Variants in MTSS1 observed in about 807,000 individuals in gnomAD.
MTSS1 encodes the protein protein MTSS 1.
MTSS1 carries 18 observed loss-of-function variants against 79.0 expected under a neutral mutation model. The observed-to-expected ratio is 0.23, with a 90% CI of 0.16 to 0.34. MTSS1 has a LOEUF of 0.34. Ranked by LOEUF, MTSS1 falls within the 10% of genes least tolerant of loss-of-function variation. MTSS1 has a pLI of 1.00. For synonymous variants in MTSS1, 341 were observed against 368.6 expected, an observed-to-expected ratio of 0.93 and a Z score of 0.86; for missense variants, 815 against 986.2, an observed-to-expected ratio of 0.83 and a Z score of 2.33.
Position 124,621,748 on chromosome 8 carries a change from C to T in MTSS1, c.209-30513G>A, listed in dbSNP as rs531904668. On this transcript the variant is annotated intron_variant, in intron 3 of 13. Coordinates refer to ENST00000518547, the MANE Select transcript of MTSS1 (RefSeq NM_014751.6). Reference sequence around the variant, plus strand: ...ATTTTTAGTAGAGATGGGGTTTCACCACGTTGGCCAGGCTGGTCTTGAACT... The same window carrying T: ...ATTTTTAGTAGAGATGGGGTTTCACTACGTTGGCCAGGCTGGTCTTGAACT... Among the ~76,000 whole-genome samples the T allele has an allele frequency of 2.6e-5, 4 of 152,236 alleles. No homozygotes were observed. The East Asian group carries it at 7.7e-4, about 29-fold the overall frequency.
chr8:124,580,722 AAAC>A (rs1829884861), intron 6 of MTSS1: 1 of 714,396 alleles, frequency 1.4e-6, no homozygotes, highest in African/African-American at 1.8e-5. Flanking sequence ...AGGGCTGATT[AAAC>A]CCACATCCAC....
intron 6 of MTSS1, among the ~76,000 whole-genome samples, chr8:124,581,629 T>C (rs966065442): frequency 5.3e-5 from 8 of 151,816 alleles, no homozygotes; most frequent in African/African-American, 1.9e-4. Context: ...CTAATTTTTG[T>C]ATTTTTAGTA....
chr8:124,579,431 T>G (rs551485570), intron 6 of MTSS1, among the ~76,000 whole-genome samples: 1 of 152,258 alleles, frequency 6.6e-6, no homozygotes, highest in South Asian at 2.1e-4. Flanking sequence ...GTTGTGAAAT[T>G]AGATAGTGGC....
chr8:124,633,837 C>A (rs1031831844), intron 3 of MTSS1, among the ~76,000 whole-genome samples: 4 of 151,280 alleles, frequency 2.6e-5, no homozygotes, highest in Non-Finnish European at 4.4e-5. Flanking sequence ...GTTTGTTGAT[C>A]CTAGTACCGC....
intron 3 of MTSS1, among the ~76,000 whole-genome samples, chr8:124,627,572 A>G (rs975312273): frequency 6.6e-6 from 1 of 152,270 alleles, no homozygotes; most frequent in African/African-American, 2.4e-5. Flanking sequence ...AGACAGAGAC[A>G]ATATAAGACC....
intron 3 of MTSS1, among the ~76,000 whole-genome samples, chr8:124,602,681 G>A (rs1420266192): frequency 1.3e-5 from 2 of 152,128 alleles, no homozygotes; most frequent in East Asian, 3.9e-4. Flanking sequence ...GAAGCTCCAG[G>A]CAAGGGGCTA....
intron 6 of MTSS1, among the ~76,000 whole-genome samples, chr8:124,574,853 G>C (rs1403867325): frequency 6.6e-6 from 1 of 152,186 alleles, no homozygotes; most frequent in Non-Finnish European, 1.5e-5. Flanking sequence ...ACCTGCCCCT[G>C]ACTCACACAA....
At chr8:124,706,596 G>A (rs1324443409) in intron 1 of MTSS1, among the ~76,000 whole-genome samples, 1 of 152,220 alleles carries the variant, frequency 6.6e-6, no homozygotes, top group Non-Finnish European at 1.5e-5. Context: ...CTAAGCAACA[G>A]CCGGGCAAGA....
intron 5 of MTSS1, 149 bp downstream of exon 5, chr8:124,589,471 G>A (rs867312027): frequency 3.5e-6 from 2 of 571,302 alleles, no homozygotes; most frequent in Non-Finnish European, 6.2e-6. Flanking sequence ...CCCCTGACAC[G>A]GACGTGCCTA....
intron 3 of MTSS1, among the ~76,000 whole-genome samples, chr8:124,670,577 G>T (rs1029467821): frequency 2.6e-5 from 4 of 152,182 alleles, no homozygotes; most frequent in African/African-American, 9.7e-5. Context: ...ACTTAGGATT[G>T]ATCATTTCAG....
At chr8:124,590,479 G>A (rs757221454) in intron 4 of MTSS1, among the ~76,000 whole-genome samples, 14 of 152,178 alleles carry the variant, frequency 9.2e-5, no homozygotes, top group Non-Finnish European at 1.6e-4. Context: ...AGAGAAGAGT[G>A]ACGAGACCCA....
intron 3 of MTSS1, among the ~76,000 whole-genome samples, chr8:124,667,666 T>C (rs1388799469): frequency 1.3e-5 from 2 of 151,398 alleles, no homozygotes; most frequent in African/African-American, 4.9e-5. Context: ...AATAAATAAA[T>C]AACAACAACT....
chr8:124,567,952 C>A, intron 7 of MTSS1: 1 of 1,382,304 alleles, frequency 7.2e-7, no homozygotes, highest in South Asian at 1.8e-5. Flanking sequence ...TCATGGTCAC[C>A]CCTTAGTACT....
At chr8:124,685,152 C>G (rs1826751224) in intron 3 of MTSS1, among the ~76,000 whole-genome samples, 1 of 126,182 alleles carries the variant, frequency 7.9e-6, no homozygotes, top group Admixed American at 8.2e-5. Flanking sequence ...TAACCATCAC[C>G]ACCTCCATCT....
At chr8:124,598,952 C>T (rs1833248681) in intron 3 of MTSS1, among the ~76,000 whole-genome samples, 1 of 152,216 alleles carries the variant, frequency 6.6e-6, no homozygotes, top group South Asian at 2.1e-4. Flanking sequence ...AAGAAAGCCA[C>T]CTCCAACCAC....
chr8:124,589,038 T>G (rs150864250), intron 5 of MTSS1, among the ~76,000 whole-genome samples: 2 of 150,532 alleles, frequency 1.3e-5, no homozygotes, highest in Non-Finnish European at 2.9e-5. Flanking sequence ...TTTTCTTTTT[T>G]TTTGTTTTTT....
chr8:124,659,691 G>C (rs745918076), intron 3 of MTSS1, among the ~76,000 whole-genome samples: 1 of 152,226 alleles, frequency 6.6e-6, no homozygotes, highest in South Asian at 2.1e-4. Context: ...CACATCCAAG[G>C]GGACCATGTA....
chr8:124,707,205 T>A (rs1255537271), intron 1 of MTSS1, among the ~76,000 whole-genome samples: 4 of 151,894 alleles, frequency 2.6e-5, no homozygotes, highest in Non-Finnish European at 5.9e-5. Flanking sequence ...AACACTCCCA[T>A]CCAGGGAGCC....
chr8:124,717,951 T>C (rs1227003840), intron 1 of MTSS1, among the ~76,000 whole-genome samples: 1 of 152,102 alleles, frequency 6.6e-6, no homozygotes, highest in African/African-American at 2.4e-5. Flanking sequence ...ATTAGAGAAA[T>C]ACAAAGCAGT....
Sources: gnomAD v4.1 joint callset for allele counts (sites outside exome capture counted in the v4.1 genomes callset) on GRCh38, gnomAD v4.1.1 for gene constraint, MANE v1.5 for transcripts, NCBI Gene and HGNC (gene_info 2026-07-23, HGNC 2026-07-21) for gene names.